The following AKAP9 variants were observed in gnomAD, a reference collection of about 807,000 sequenced individuals.
The protein encoded by AKAP9 is A-kinase anchoring protein 9.
AKAP9 carries 311 observed loss-of-function variants against 488.5 expected under a neutral mutation model. The ratio of observed to expected loss-of-function variants is 0.64; its 90% confidence interval spans 0.58 to 0.70. The LOEUF (loss-of-function observed/expected upper bound fraction) is 0.70, where lower values mean the gene tolerates loss of function less well. Among genes scored for constraint, AKAP9 ranks in the 30% least tolerant of loss-of-function variants. AKAP9 has a pLI of 0.00. For synonymous variants in AKAP9, 1,462 were observed against 1,483.5 expected, an observed-to-expected ratio of 0.99 and a Z score of 0.33; for missense variants, 4,215 against 4,374.5, an observed-to-expected ratio of 0.96 and a Z score of 1.03.
intron 41 of AKAP9, 45 bp from the exon 42 acceptor site, chr7:92,097,541 G>C (rs367872902): frequency 1.3e-6 from 2 of 1,582,742 alleles, no homozygotes; most frequent in African/African-American, 2.7e-5. Context: ...GTGATATGCT[G>C]TTCACTTATA....
chr7:92,062,641 G>A (rs1353668392), intron 24 of AKAP9, among the ~76,000 whole-genome samples, 155 bp downstream of exon 24: 1 of 151,762 alleles, frequency 6.6e-6, no homozygotes, highest in Non-Finnish European at 1.5e-5. Context: ...AGAGATAAAT[G>A]TCTTATTAGC....
At position 92,052,834 on chromosome 7, in the gene AKAP9, T is replaced by A; in HGVS notation, c.5477T>A (p.Val1826Glu). The A allele has an allele frequency of 6.2e-7, 1 of 1,613,816 alleles. No individual in the cohort carries two copies. Among genetic ancestry groups the A allele is most frequent in the Non-Finnish European group, 8.5e-7 (1 of 1,179,838 alleles). Residue 1826 changes from valine (V) to glutamate (E), a missense_variant, in exon 22 of 50, where the codon GTG becomes GAG. This residue lies in a region of AKAP9 where 2,361 missense variants were observed against 2,430.0 expected (regional missense o/e 0.97). Transcript: ENST00000356239. ...GGAACAGAGCTGTCACAACGACTTG[T>A]GAGGAGTGGTTTTGCTGGAACTGAA... ...EEGTELSQRLVRSGFAGTEID... is the reference protein window; with the variant it reads ...EEGTELSQRLERSGFAGTEID...
intron 49 of AKAP9, chr7:92,109,030 A>G (rs1003238384): frequency 3.8e-6 from 1 of 266,642 alleles, no homozygotes; most frequent in Non-Finnish European, 7.2e-6. Flanking sequence ...TGGGCAGCAG[A>G]GCGAGACCCT....
In AKAP9 at chr7:91,995,583, A is replaced by G; in HGVS notation, c.733-20A>G. Reference sequence around the variant, plus strand: ...AGTCACTTCAGAATTTAACGTTTTGAGGTTTCTTTCTATTTTCAGTTACAG... The same window carrying G: ...AGTCACTTCAGAATTTAACGTTTTGGGGTTTCTTTCTATTTTCAGTTACAG... On this transcript the variant is annotated intron_variant, in intron 6 of 49. Coordinates refer to ENST00000356239, the MANE Select transcript of AKAP9 (RefSeq NM_005751.5). 1 of 1,611,296 alleles carries G rather than the reference A, an allele frequency of 6.2e-7. No individual in the cohort carries two copies. Among genetic ancestry groups the G allele is most frequent in the Non-Finnish European group, 8.5e-7 (1 of 1,177,640 alleles).
chr7:91,970,207 ATACTC>A (rs1301023752), intron 1 of AKAP9, among the ~76,000 whole-genome samples: 8 of 152,214 alleles, frequency 5.3e-5, no homozygotes, highest in African/African-American at 1.9e-4. Flanking sequence ...AAAACCCTCT[ATACTC>A]TAACTCCATT....
At position 92,031,392 on chromosome 7, in the gene AKAP9, G is replaced by A. The variant is rs543594646; in HGVS notation, c.4246-120G>A. ...AGAGAATTAAAATTTATTTTTTGCTGAAAGTATGTAGAACTTTTCTAAAAA... is the reference window on the plus strand; with the variant it reads ...AGAGAATTAAAATTTATTTTTTGCTAAAAGTATGTAGAACTTTTCTAAAAA... On this transcript the variant is annotated intron_variant, in intron 15 of 49. Coordinates refer to ENST00000356239, the MANE Select transcript of AKAP9 (RefSeq NM_005751.5). 1.4e-4 allele frequency: 97 copies of A among 672,894 alleles called. No homozygotes were observed. The African/African-American group carries it at 1.7e-3, about 12-fold the overall frequency. The allele number at this position is 672,894 out of a possible 1,614,324, so 41.7% of individuals were successfully genotyped here.
At chr7:92,032,234 C>T (rs543583861) in intron 16 of AKAP9, among the ~76,000 whole-genome samples, 9 of 152,258 alleles carry the variant, frequency 5.9e-5, no homozygotes, top group African/African-American at 2.2e-4. Flanking sequence ...CAGTGGCTCA[C>T]GCCTGTAATC....
intron 22 of AKAP9, chr7:92,057,571 A>G (rs1809007183): frequency 5.4e-6 from 1 of 184,582 alleles, no homozygotes; most frequent in Admixed American, 6.3e-5. Flanking sequence ...ACTGACTAGA[A>G]TCCTTTGGCT....
At chr7:91,971,087 C>T (rs1010862362) in intron 1 of AKAP9, among the ~76,000 whole-genome samples, 1 of 152,162 alleles carries the variant, frequency 6.6e-6, no homozygotes, top group Non-Finnish European at 1.5e-5. Context: ...ACAGTGAAGA[C>T]TAGAACTCCC....
intron 3 of AKAP9, among the ~76,000 whole-genome samples, chr7:91,988,297 C>CAAA (rs5885797): frequency 1.9e-4 from 10 of 53,668 alleles, no homozygotes; most frequent in East Asian, 1.0e-3. Flanking sequence ...GACCCCCTCT[C>CAAA]AAAAAAAAAA....
intron 8 of AKAP9, among the ~76,000 whole-genome samples, chr7:92,011,713 T>G (rs552825635): frequency 6.6e-6 from 1 of 152,320 alleles, no homozygotes; most frequent in East Asian, 1.9e-4. Flanking sequence ...GAAATTTTAA[T>G]ATATAGGAAA....
chr7:91,980,413 G>T, intron 3 of AKAP9, 80 bp downstream of exon 3: 1 of 538,510 alleles, frequency 1.9e-6, no homozygotes, highest in South Asian at 3.3e-5. Flanking sequence ...GTTGCTACTT[G>T]ATTTCTTGTC....
intron 22 of AKAP9, chr7:92,058,190 T>C (rs1809139439): frequency 1.7e-6 from 1 of 593,590 alleles, no homozygotes; most frequent in East Asian, 3.6e-5. Flanking sequence ...TAGCACCTAT[T>C]TGGCAACTGT....
Position 92,002,114 on chromosome 7 carries a change from CAAG to C in AKAP9, c.2203_2205del (p.Glu735del), listed in dbSNP as rs1799247835. Reference sequence around the variant, plus strand: ...TCAAAAAGAAATTGAAATACTCAGACAAGAAGAAAAAGAAAAGGGTACACTTGA... The same window carrying C: ...TCAAAAAGAAATTGAAATACTCAGACAAGAAAAAGAAAAGGGTACACTTGA... On this transcript the variant is annotated inframe_deletion, in exon 8 of 50. Transcript: ENST00000356239. 6.3e-7 allele frequency: 1 copy of C among 1,592,458 alleles called. No individual in the cohort carries two copies. Among genetic ancestry groups the C allele is most frequent in the Non-Finnish European group, 8.5e-7 (1 of 1,174,098 alleles).
rs369206894 is a variant in AKAP9 at position 92,002,847 on chromosome 7, A to G, written c.2930A>G (p.Asn977Ser). ...AAACATGGTGAGATTAGTTTTCTAAATGAAGAAGTTAAATCTTTAAAGCAA... is the reference window on the plus strand; with the variant it reads ...AAACATGGTGAGATTAGTTTTCTAAGTGAAGAAGTTAAATCTTTAAAGCAA... ...KQKHGEISFL[N>S]EEVKSLKQEK... The change falls in exon 8 of 50, where the codon AAT (asparagine) becomes AGT (serine). Residue 977 changes from asparagine to serine, a missense_variant. By Grantham distance (46) the Asn-to-Ser change is conservative (BLOSUM62 1). Coordinates refer to ENST00000356239, the MANE Select transcript of AKAP9 (RefSeq NM_005751.5). 78 of 1,613,304 alleles carry G rather than the reference A, an allele frequency of 4.8e-5. No homozygotes were observed. The highest frequency in any genetic ancestry group is 1.0e-4 in the Admixed American group (6 of 59,938).
chr7:91,944,607 G>A (rs1791198571), intron 1 of AKAP9, among the ~76,000 whole-genome samples: 2 of 151,926 alleles, frequency 1.3e-5, no homozygotes, highest in African/African-American at 4.8e-5. Flanking sequence ...GGCTGGTCTC[G>A]AACTCCTGCC....
intron 26 of AKAP9, 127 bp from the exon 27 acceptor site, chr7:92,069,903 A>G (rs1197328863): frequency 1.5e-5 from 13 of 846,856 alleles, no homozygotes; most frequent in Admixed American, 1.1e-4. Context: ...TAAACAGACA[A>G]ACAAAAACGT....
chr7:92,067,538 C>G (rs1396922503), intron 26 of AKAP9, among the ~76,000 whole-genome samples: 1 of 152,166 alleles, frequency 6.6e-6, no homozygotes, highest in Admixed American at 6.5e-5. Flanking sequence ...TATTCATCTT[C>G]CTAAATCCCA....
chr7:91,953,465 T>G (rs1297795266), intron 1 of AKAP9, among the ~76,000 whole-genome samples: 1 of 152,228 alleles, frequency 6.6e-6, no homozygotes, highest in African/African-American at 2.4e-5. Flanking sequence ...AGGAATTTAC[T>G]TAACCTCTCT....
Sources: allele counts gnomAD v4.1 joint callset (sites outside exome capture counted in the v4.1 genomes callset), GRCh38; gene constraint gnomAD v4.1.1; regional missense constraint gnomAD v4.1.1; transcripts MANE v1.5; gene names NCBI Gene and HGNC (gene_info 2026-07-23, HGNC 2026-07-21).